The following PTPRD variants were observed in gnomAD, a reference collection of about 807,000 sequenced individuals.
The protein encoded by PTPRD is receptor-type tyrosine-protein phosphatase delta.
PTPRD carries 34 observed loss-of-function variants against 214.5 expected under a neutral mutation model. That is an observed-to-expected ratio of 0.16 (90% confidence interval 0.12 to 0.21). The LOEUF (loss-of-function observed/expected upper bound fraction) is 0.21. Ranked by LOEUF, PTPRD falls within the 10% of genes least tolerant of loss-of-function variation. PTPRD has a pLI of 1.00. For synonymous variants in PTPRD, 1,128 were observed against 845.7 expected (o/e 1.33, Z -5.79); for missense variants, 2,545 against 2,398.7 (o/e 1.06, Z -1.27).
intron 11 of PTPRD, among the ~76,000 whole-genome samples, chr9:8,783,984 C>T (rs2095842053): frequency 6.6e-6 from 1 of 152,106 alleles, no homozygotes; most frequent in South Asian, 2.1e-4. Context: ...GGGTTGTGCG[C>T]CTGACCTCTA....
At chr9:9,915,315 T>A (rs2080407435) in intron 5 of PTPRD, among the ~76,000 whole-genome samples, 1 of 150,836 alleles carries the variant, frequency 6.6e-6, no homozygotes, top group African/African-American at 2.4e-5. Flanking sequence ...TAGGAACACA[T>A]CAAACATAAA....
At chr9:10,407,557 A>T (rs1183770304) in intron 2 of PTPRD, among the ~76,000 whole-genome samples, 1 of 151,592 alleles carries the variant, frequency 6.6e-6, no homozygotes, top group African/African-American at 2.4e-5. Context: ...CTTAGGTAGA[A>T]GAAAGGTTAA....
intron 30 of PTPRD, among the ~76,000 whole-genome samples, chr9:8,480,590 C>A (rs2096860675): frequency 6.6e-6 from 1 of 152,078 alleles, no homozygotes; most frequent in Admixed American, 6.5e-5. Flanking sequence ...ATGTCTATGG[C>A]CTTGATGGTT....
chr9:9,660,320 A>G (rs923315622), intron 7 of PTPRD, among the ~76,000 whole-genome samples: 1 of 151,956 alleles, frequency 6.6e-6, no homozygotes, highest in South Asian at 2.1e-4. Flanking sequence ...TGAAGAATAG[A>G]CTATAGGGAG....
chr9:10,081,732 G>T (rs1157531058), intron 3 of PTPRD, among the ~76,000 whole-genome samples: 1 of 152,020 alleles, frequency 6.6e-6, no homozygotes, highest in Non-Finnish European at 1.5e-5. Context: ...TTATATTTTT[G>T]ATATAAGGAA....
At chr9:8,787,784 T>C (rs1197103804) in intron 11 of PTPRD, among the ~76,000 whole-genome samples, 2 of 152,070 alleles carry the variant, frequency 1.3e-5, no homozygotes, top group African/African-American at 4.8e-5. Flanking sequence ...ACTCTACCCT[T>C]TATGTCATGT....
intron 10 of PTPRD, among the ~76,000 whole-genome samples, chr9:9,082,779 C>G (rs1041641534): frequency 1.3e-5 from 2 of 152,094 alleles, no homozygotes; most frequent in Non-Finnish European, 2.9e-5. Flanking sequence ...AGAGCCAAAT[C>G]ATGAGTGAAC....
At chr9:9,111,291 T>A (rs1260395245) in intron 10 of PTPRD, among the ~76,000 whole-genome samples, 1 of 149,636 alleles carries the variant, frequency 6.7e-6, no homozygotes, top group African/African-American at 2.5e-5. Context: ...CAGCTCTTAG[T>A]CTAATCCTCA....
intron 6 of PTPRD, among the ~76,000 whole-genome samples, chr9:9,741,354 A>C (rs2098399282): frequency 9.3e-6 from 1 of 107,812 alleles, no homozygotes; most frequent in Non-Finnish European, 1.7e-5. Flanking sequence ...AATTTCAAAA[A>C]TAGAATTTTT....
chr9:9,540,996 C>G (rs1047990717), intron 8 of PTPRD, among the ~76,000 whole-genome samples: 2 of 150,234 alleles, frequency 1.3e-5, no homozygotes, highest in Non-Finnish European at 3.0e-5. Flanking sequence ...ATTAAAAAAA[C>G]AACTAAAAAG....
chr9:9,172,411 C>T (rs1180586765), intron 10 of PTPRD, among the ~76,000 whole-genome samples: 1 of 152,078 alleles, frequency 6.6e-6, no homozygotes, highest in African/African-American at 2.4e-5. Context: ...TCTTCTCTTC[C>T]TCCTCTCTTT....
intron 8 of PTPRD, among the ~76,000 whole-genome samples, chr9:9,460,101 A>T (rs2093496885): frequency 6.6e-6 from 1 of 152,012 alleles, no homozygotes; most frequent in Admixed American, 6.6e-5. Flanking sequence ...GGGAAAGGAC[A>T]TCTTATTCAA....
chr9:9,538,584 T>C (rs1324698126), intron 8 of PTPRD, among the ~76,000 whole-genome samples: 1 of 151,856 alleles, frequency 6.6e-6, no homozygotes, highest in Non-Finnish European at 1.5e-5. Context: ...AACTCAGTAA[T>C]GCTATGCTGC....
At chr9:10,407,854 T>G (rs1266869914) in intron 2 of PTPRD, among the ~76,000 whole-genome samples, 1 of 151,642 alleles carries the variant, frequency 6.6e-6, no homozygotes, top group African/African-American at 2.4e-5. Flanking sequence ...TGTTTCAATT[T>G]TTTTTTAAAT....
chr9:8,468,230 T>A (rs927426670), intron 31 of PTPRD, among the ~76,000 whole-genome samples: 1 of 152,018 alleles, frequency 6.6e-6, no homozygotes, highest in African/African-American at 2.4e-5. Flanking sequence ...CTCTGCAGGA[T>A]GCTTCCTGTG....
intron 10 of PTPRD, among the ~76,000 whole-genome samples, chr9:9,054,040 T>G (rs568033534): frequency 6.6e-6 from 1 of 152,046 alleles, no homozygotes; most frequent in Admixed American, 6.6e-5. Flanking sequence ...CAAACAACAA[T>G]AACAATGATA....
chr9:8,542,803 C>T (rs989805227), intron 14 of PTPRD, among the ~76,000 whole-genome samples: 24 of 152,340 alleles, frequency 1.6e-4, no homozygotes, highest in African/African-American at 4.8e-4. Flanking sequence ...AGCCTACACA[C>T]GTGAGCTCAG....
intron 9 of PTPRD, among the ~76,000 whole-genome samples, chr9:9,350,410 A>G (rs2050662075): frequency 6.6e-6 from 1 of 152,036 alleles, no homozygotes; most frequent in Non-Finnish European, 1.5e-5. Context: ...ATAGTTTGCC[A>G]TACCCTTTTG....
intron 2 of PTPRD, among the ~76,000 whole-genome samples, chr9:10,503,659 C>G (rs1305199005): frequency 6.6e-6 from 1 of 151,774 alleles, no homozygotes; most frequent in Non-Finnish European, 1.5e-5. Context: ...AGAAAATAGA[C>G]AAAACTATCT....
Sources: allele counts gnomAD v4.1 joint callset (sites outside exome capture counted in the v4.1 genomes callset), GRCh38; gene constraint gnomAD v4.1.1; transcripts MANE v1.5; gene names NCBI Gene and HGNC (gene_info 2026-07-23, HGNC 2026-07-21).